Variants in HEPACAM2 observed in about 807,000 individuals in gnomAD.
HEPACAM2 encodes HEPACAM family member 2.
HEPACAM2 carries 49 observed loss-of-function variants against 49.6 expected under a neutral mutation model. The observed-to-expected ratio is 0.99, with a 90% confidence interval of 0.78 to 1.25. The LOEUF is 1.25. Among genes scored for constraint, HEPACAM2 ranks in the 50% most tolerant of loss-of-function variants. The pLI is 0.00. For synonymous variants in HEPACAM2, 197 were observed against 202.9 expected, an observed-to-expected ratio of 0.97 and a Z score of 0.25; for missense variants, 525 against 557.2, an observed-to-expected ratio of 0.94 and a Z score of 0.58.
At chr7:93,202,019 C>CAAAAAAAAAAAAAAAAAAAAAAAAAAA (rs200583953) in intron 4 of HEPACAM2, among the ~76,000 whole-genome samples, 1 of 28,426 alleles carries the variant, frequency 3.5e-5, no homozygotes, top group Non-Finnish European at 8.1e-5. Flanking sequence ...GATAAAAAAG[C>CAAAAAAAAAAAAAAAAAAAAAAAAAAA]AAAAAAAAAA....
chr7:93,209,089 T>C (rs1184454047), intron 3 of HEPACAM2, among the ~76,000 whole-genome samples: 3 of 152,042 alleles, frequency 2.0e-5, no homozygotes, highest in African/African-American at 7.2e-5. Flanking sequence ...GAGATTTGAT[T>C]TGAAATAGTG....
chr7:93,211,681 A>T (rs1026435470), intron 3 of HEPACAM2, among the ~76,000 whole-genome samples: 4 of 151,904 alleles, frequency 2.6e-5, no homozygotes, highest in Non-Finnish European at 5.9e-5. Context: ...GCATTGATAG[A>T]ACATTAGGGA....
At position 93,215,700 on chromosome 7, in the gene HEPACAM2, G is replaced by A. The variant is rs1794292270; in HGVS notation, c.431-15C>T. The stretch of plus-strand genomic sequence containing the variant: ...TGTGACAGGATCTGCAATATTAAGA[G>A]AGATATGAATGATTTTTTCTTTTCA... On this transcript the variant is annotated splice_polypyrimidine_tract_variant and intron_variant, in intron 2 of 9. Transcript: ENST00000394468. 3.1e-6 allele frequency: 5 copies of A among 1,604,252 alleles called. No individual in the cohort carries two copies. The highest frequency in any genetic ancestry group is 4.3e-6 in the Non-Finnish European group (5 of 1,173,418).
At chr7:93,203,848 C>T (rs1287296312) in intron 4 of HEPACAM2, among the ~76,000 whole-genome samples, 1 of 152,038 alleles carries the variant, frequency 6.6e-6, no homozygotes, top group African/African-American at 2.4e-5. Flanking sequence ...GACTCATGTC[C>T]CTCCGGAGAT....
At chr7:93,222,321 A>G (rs1222235102) in intron 1 of HEPACAM2, among the ~76,000 whole-genome samples, 1 of 152,186 alleles carries the variant, frequency 6.6e-6, no homozygotes, top group African/African-American at 2.4e-5. Flanking sequence ...AAAAAAAAAT[A>G]GGCTTAGTAC....
At chr7:93,220,539 G>C (rs1021926542) in intron 1 of HEPACAM2, among the ~76,000 whole-genome samples, 2 of 152,162 alleles carry the variant, frequency 1.3e-5, no homozygotes, top group Admixed American at 6.5e-5. Context: ...TGGGGAAGAC[G>C]AGGATTCAGT....
intron 3 of HEPACAM2, among the ~76,000 whole-genome samples, chr7:93,213,071 T>C (rs1356414969): frequency 6.6e-6 from 1 of 151,984 alleles, no homozygotes; most frequent in Non-Finnish European, 1.5e-5. Context: ...TAAATTTACA[T>C]CATGATGCTG....
At chr7:93,196,956 C>A (rs1472038933) in intron 7 of HEPACAM2, among the ~76,000 whole-genome samples, 3 of 152,118 alleles carry the variant, frequency 2.0e-5, no homozygotes, top group Non-Finnish European at 4.4e-5. Flanking sequence ...TTTGATCCTA[C>A]TGACTGTGGA....
intron 1 of HEPACAM2, among the ~76,000 whole-genome samples, chr7:93,220,796 A>T (rs943823601): frequency 2.5e-4 from 38 of 152,128 alleles, no homozygotes; most frequent in African/African-American, 8.9e-4. Context: ...GCCATGATAT[A>T]TTATTTTATT....
At chr7:93,221,000 G>T (rs1462040399) in intron 1 of HEPACAM2, among the ~76,000 whole-genome samples, 1 of 152,004 alleles carries the variant, frequency 6.6e-6, no homozygotes, top group Non-Finnish European at 1.5e-5. Context: ...AATGATGAGA[G>T]AAAAAATAGA....
intron 4 of HEPACAM2, chr7:93,205,666 A>T (rs1481680560): frequency 6.6e-6 from 1 of 152,150 alleles, no homozygotes; most frequent in Non-Finnish European, 1.5e-5. Flanking sequence ...CTTGCAAGTG[A>T]TGGTCATTTA....
chr7:93,200,435 T>C (rs1309532324), intron 4 of HEPACAM2, among the ~76,000 whole-genome samples: 1 of 152,266 alleles, frequency 6.6e-6, no homozygotes, highest in Middle Eastern at 3.4e-3. Context: ...GCTAAGTCTC[T>C]ACAACATATT....
At chr7:93,204,740 A>G (rs1351952661) in intron 4 of HEPACAM2, among the ~76,000 whole-genome samples, 1 of 152,126 alleles carries the variant, frequency 6.6e-6, no homozygotes, top group Non-Finnish European at 1.5e-5. Flanking sequence ...ACCTTTTAGA[A>G]AGACCATATG....
chr7:93,214,476 G>A (rs1449911677), intron 3 of HEPACAM2, among the ~76,000 whole-genome samples: 1 of 152,060 alleles, frequency 6.6e-6, no homozygotes. Flanking sequence ...CATGTGATAG[G>A]TGTTTCTCTA....
At chr7:93,198,602 A>G (rs1793795469) in intron 4 of HEPACAM2, among the ~76,000 whole-genome samples, 2 of 152,140 alleles carry the variant, frequency 1.3e-5, no homozygotes, top group Admixed American at 6.6e-5. Flanking sequence ...AAAGTAACAG[A>G]TGTCTTCCAT....
intron 8 of HEPACAM2, among the ~76,000 whole-genome samples, chr7:93,195,214 T>TG (rs1793660457): frequency 6.6e-6 from 1 of 152,106 alleles, no homozygotes. Flanking sequence ...TAGGGTCTCC[T>TG]GATCCGCTGT....
intron 4 of HEPACAM2, among the ~76,000 whole-genome samples, chr7:93,202,017 AG>A (rs1793897889): frequency 1.0e-5 from 1 of 95,736 alleles, no homozygotes; most frequent in African/African-American, 4.3e-5. Flanking sequence ...GTGATAAAAA[AG>A]CAAAAAAAAA....
intron 1 of HEPACAM2, among the ~76,000 whole-genome samples, chr7:93,223,673 G>A (rs1387210674): frequency 1.3e-5 from 2 of 152,070 alleles, no homozygotes; most frequent in African/African-American, 2.4e-5. Flanking sequence ...GTGTGACAGT[G>A]AGAAATAGCA....
intron 4 of HEPACAM2, among the ~76,000 whole-genome samples, chr7:93,199,149 G>A (rs372876956): frequency 8.6e-4 from 131 of 152,062 alleles, no homozygotes; most frequent in African/African-American, 3.0e-3. Context: ...TCTGACATGC[G>A]TTCAGAGAAC....
Sources: allele counts gnomAD v4.1 joint callset (sites outside exome capture counted in the v4.1 genomes callset), GRCh38; gene constraint gnomAD v4.1.1; transcripts MANE v1.5; gene names NCBI Gene and HGNC (gene_info 2026-07-23, HGNC 2026-07-21).